Variants in TIA1 observed in about 807,000 individuals in gnomAD.
TIA1 encodes the protein cytotoxic granule associated RNA binding protein TIA1.
Under a neutral mutation model 65.9 loss-of-function variants are expected in TIA1, and 23 were observed. That is an observed-to-expected ratio of 0.35 (90% CI 0.25 to 0.49). The LOEUF (loss-of-function observed/expected upper bound fraction) is 0.49, where lower values mean the gene tolerates loss of function less well. Among genes scored for constraint, TIA1 ranks in the 20% least tolerant of loss-of-function variants. The pLI is 0.98. For synonymous variants in TIA1, 147 were observed against 149.4 expected (o/e 0.98, Z 0.12); for missense variants, 371 against 477.9 (o/e 0.78, Z 2.09).
chr2:70,246,120 C>T (rs550323412), intron 1 of TIA1, among the ~76,000 whole-genome samples: 5 of 152,218 alleles, frequency 3.3e-5, no homozygotes, highest in Admixed American at 6.5e-5. Flanking sequence ...GACAGGGTTT[C>T]GCCATGTTGG....
In TIA1 at chr2:70,209,764, G is replaced by A. The variant is rs975836375; in HGVS notation, c.*2955C>T. On this transcript the variant is annotated 3_prime_UTR_variant, in exon 13 of 13. Transcript: ENST00000433529. ...AAGAAATCATCACTCTCATTTGAAA[G>A]GTTTGCTTTCTTATTTCCTGTAAGT... The A allele has an allele frequency of 2.0e-5, 8 of 398,058 alleles. No individual in the cohort carries two copies. The highest frequency in any genetic ancestry group is 7.1e-5 in the East Asian group (2 of 27,978). The allele number at this position is 398,058 out of a possible 1,614,324, so 24.7% of individuals were successfully genotyped here. A position where few individuals can be genotyped will look rare whatever the true frequency, so the allele number is the denominator to read the frequency against.
chr2:70,226,003 C>T (rs1377665583), intron 6 of TIA1, among the ~76,000 whole-genome samples: 4 of 152,100 alleles, frequency 2.6e-5, no homozygotes, highest in African/African-American at 9.7e-5. Context: ...AACTTATCTC[C>T]TTTAACAACA....
intron 7 of TIA1, among the ~76,000 whole-genome samples, chr2:70,217,499 G>A (rs1175472341): frequency 1.3e-5 from 2 of 151,966 alleles, no homozygotes; most frequent in East Asian, 1.9e-4. Flanking sequence ...CCAGGTTCAC[G>A]CCATTCTCCT....
intron 3 of TIA1, among the ~76,000 whole-genome samples, chr2:70,229,721 C>T (rs1685308671): frequency 6.6e-6 from 1 of 152,098 alleles, no homozygotes; most frequent in Admixed American, 6.5e-5. Context: ...GGCGGATCAC[C>T]TGAGGTCAGG....
chr2:70,228,471 A>G, intron 5 of TIA1: 2 of 1,273,692 alleles, frequency 1.6e-6, no homozygotes, highest in Non-Finnish European at 2.0e-6. Context: ...GACTGAAGGC[A>G]ACAGAATGAA....
At chr2:70,233,448 A>T (rs181158724) in intron 2 of TIA1, among the ~76,000 whole-genome samples, 1 of 152,236 alleles carries the variant, frequency 6.6e-6, no homozygotes, top group African/African-American at 2.4e-5. Context: ...ATCAATGCTG[A>T]CAGGCAACAC....
At chr2:70,248,331 G>T (rs1695413948) in intron 1 of TIA1, 74 bp downstream of exon 1, 5 of 1,516,928 alleles carry the variant, frequency 3.3e-6, no homozygotes, top group Middle Eastern at 1.9e-4. Context: ...AATAGGCTGG[G>T]AGCGGCGCAG....
rs75638519 is a variant in TIA1 at position 70,214,042 on chromosome 2, G to A, written c.1034+307C>T. On this transcript the variant is annotated intron_variant, in intron 12 of 12. Coordinates refer to ENST00000433529, the MANE Select transcript of TIA1 (RefSeq NM_022173.4). The stretch of plus-strand genomic sequence containing the variant: ...AAATAGTGTAATTCAGGGTGTATAA[G>A]GAAGCTTGCAATGTAACAAGGCATA... 3.7e-3 allele frequency among the ~76,000 whole-genome samples: 556 copies of A among 152,244 alleles called. 3 individuals carry two copies. Among genetic ancestry groups the A allele is most frequent in the African/African-American group, 0.013 (534 of 41,548 alleles).
rs1482670246 is a variant in TIA1, at chr2:70,209,884, G to A, written c.*2835C>T. ...ACATGCAATCTAGTTCTTACCAACT[G>A]CCTTCTCAAATGGAATAGAACTATA... On this transcript the variant is annotated 3_prime_UTR_variant, in exon 13 of 13. Coordinates refer to ENST00000433529, the MANE Select transcript of TIA1 (RefSeq NM_022173.4). 2.5e-6 allele frequency: 1 copy of A among 395,596 alleles called. No individual in the cohort carries two copies. Among genetic ancestry groups the A allele is most frequent in the Non-Finnish European group, 4.4e-6 (1 of 224,794 alleles). The allele number at this position is 395,596 out of a possible 1,614,324, so 24.5% of individuals were successfully genotyped here. A position where few individuals can be genotyped will look rare whatever the true frequency, so the allele number is the denominator to read the frequency against.
At chr2:70,221,815 A>T (rs938476916) in intron 7 of TIA1, among the ~76,000 whole-genome samples, 1 of 151,576 alleles carries the variant, frequency 6.6e-6, no homozygotes, top group Admixed American at 6.6e-5. Flanking sequence ...TTTTTGAGAC[A>T]GGGTCTCTGT....
intron 2 of TIA1, among the ~76,000 whole-genome samples, chr2:70,235,801 A>G (rs1368984992): frequency 6.6e-6 from 1 of 152,146 alleles, no homozygotes. Context: ...GAGCCCATAT[A>G]TATGTTCCCA....
chr2:70,229,347 C>T, intron 3 of TIA1, 29 bp from the exon 4 acceptor site: 1 of 1,579,258 alleles, frequency 6.3e-7, no homozygotes. Flanking sequence ...TACATTTATA[C>T]TTCACAAAAA....
intron 1 of TIA1, among the ~76,000 whole-genome samples, chr2:70,244,283 CT>C (rs779794620): frequency 5.9e-5 from 9 of 152,166 alleles, no homozygotes; most frequent in Non-Finnish European, 1.2e-4. Context: ...ATATCCACCC[CT>C]TCCTCCTTAC....
chr2:70,228,325 A>C, intron 5 of TIA1: 1 of 1,282,098 alleles, frequency 7.8e-7, no homozygotes, highest in Non-Finnish European at 1.0e-6. Flanking sequence ...TATTTTGTGA[A>C]GAACAATCAA....
intron 2 of TIA1, among the ~76,000 whole-genome samples, chr2:70,232,541 A>T (rs1448485237): frequency 5.7e-4 from 3 of 5,280 alleles, no homozygotes; most frequent in Non-Finnish European, 8.7e-4. Context: ...ACTCTGTCTC[A>T]AAAAAAAAAA....
intron 5 of TIA1, chr2:70,228,312 C>T (rs1316014417): frequency 1.6e-6 from 2 of 1,277,830 alleles, no homozygotes; most frequent in Non-Finnish European, 1.0e-6. Context: ...CTTGGTTTAA[C>T]CATATTTTGT....
intron 7 of TIA1, among the ~76,000 whole-genome samples, chr2:70,217,330 C>A (rs1679063716): frequency 1.3e-5 from 2 of 152,104 alleles, no homozygotes; most frequent in African/African-American, 4.8e-5. Context: ...TGCCACCATG[C>A]CTGGCTAATT....
chr2:70,213,927 C>T (rs1322566068), intron 12 of TIA1, among the ~76,000 whole-genome samples: 1 of 152,216 alleles, frequency 6.6e-6, no homozygotes, highest in African/African-American at 2.4e-5. Flanking sequence ...GCTGGGATTA[C>T]AGGCAGGAAC....
rs1675970093 is a variant in TIA1, at chr2:70,209,626, AG to A, written c.*3092del. On this transcript the variant is annotated 3_prime_UTR_variant, in exon 13 of 13. Transcript: ENST00000433529. ...TGTGATTTAACAACAGAGAAAATCCAGGAAGAATGAATTGAGTTCCTTCTAG... is the reference window on the plus strand; with the variant it reads ...TGTGATTTAACAACAGAGAAAATCCAGAAGAATGAATTGAGTTCCTTCTAG... The A allele has an allele frequency of 2.5e-6, 1 of 398,302 alleles. No individual in the cohort carries two copies. Among genetic ancestry groups the A allele is most frequent in the South Asian group, 1.3e-4 (1 of 7,858 alleles). 24.7% of individuals were successfully genotyped at this position (398,302 alleles called of 1,614,324 possible).
Sources: gnomAD v4.1 joint callset for allele counts (sites outside exome capture counted in the v4.1 genomes callset) on GRCh38, gnomAD v4.1.1 for gene constraint, MANE v1.5 for transcripts, NCBI Gene and HGNC (gene_info 2026-07-23, HGNC 2026-07-21) for gene names.